Variants in SLC8A3 observed in about 807,000 individuals in gnomAD.
The protein encoded by SLC8A3 is sodium/calcium exchanger 3.
A neutral mutation model predicts 65.4 loss-of-function variants in SLC8A3; 37 were observed. The observed-to-expected ratio is 0.57, with a 90% confidence interval of 0.44 to 0.74. The LOEUF (loss-of-function observed/expected upper bound fraction) is 0.74. SLC8A3 is among the 30% of genes least tolerant of loss of function. The pLI, the probability that SLC8A3 is intolerant of heterozygous loss-of-function variation, is 0.00. For synonymous variants in SLC8A3, 461 were observed against 444.5 expected, an observed-to-expected ratio of 1.04 and a Z score of -0.47; for missense variants, 1,112 against 1,172.1, an observed-to-expected ratio of 0.95 and a Z score of 0.75.
At chr14:70,144,074 G>A (rs1444937168) in intron 2 of SLC8A3, among the ~76,000 whole-genome samples, 1 of 152,072 alleles carries the variant, frequency 6.6e-6, no homozygotes, top group African/African-American at 2.4e-5. Context: ...TGAGCTACGT[G>A]AGGACTGGGG....
At chr14:70,175,726 CT>C (rs35935551) in intron 1 of SLC8A3, among the ~76,000 whole-genome samples, 35,714 of 143,226 alleles carry the variant, frequency 0.25, 4,837 homozygotes, top group East Asian at 0.56. Context: ...TATAGGGAAG[CT>C]TTTTTTTTTC....
intron 2 of SLC8A3, among the ~76,000 whole-genome samples, chr14:70,151,935 T>C (rs759294920): frequency 2.0e-5 from 3 of 152,126 alleles, no homozygotes; most frequent in Admixed American, 1.3e-4. Context: ...AACCTCATCA[T>C]AACTATTAAT....
chr14:70,180,309 G>A (rs1012108610), intron 1 of SLC8A3, among the ~76,000 whole-genome samples: 2 of 152,068 alleles, frequency 1.3e-5, no homozygotes, highest in African/African-American at 4.8e-5. Flanking sequence ...TCATATCATT[G>A]CCTGATTGAA....
chr14:70,110,673 C>CTTTTTTTT (rs71102684), intron 2 of SLC8A3, among the ~76,000 whole-genome samples: 1 of 91,858 alleles, frequency 1.1e-5, no homozygotes, highest in Non-Finnish European at 2.2e-5. Flanking sequence ...ATACCTCTTT[C>CTTTTTTTT]TTTTTTTTTT....
intron 2 of SLC8A3, among the ~76,000 whole-genome samples, chr14:70,134,079 A>C (rs1299436922): frequency 6.6e-6 from 1 of 152,156 alleles, no homozygotes; most frequent in African/African-American, 2.4e-5. Flanking sequence ...ACTGAGATGG[A>C]ATTAAATTGA....
At chr14:70,139,671 A>C (rs898195187) in intron 2 of SLC8A3, among the ~76,000 whole-genome samples, 2 of 152,222 alleles carry the variant, frequency 1.3e-5, no homozygotes, top group Non-Finnish European at 2.9e-5. Context: ...AGCAGATCAT[A>C]AGGGCTAGAG....
chr14:70,069,203 G>A (rs1889767106), intron 2 of SLC8A3, among the ~76,000 whole-genome samples: 2 of 152,230 alleles, frequency 1.3e-5, no homozygotes, highest in South Asian at 4.1e-4. Context: ...TGCAGCCACA[G>A]TGAGGAGGCA....
intron 1 of SLC8A3, among the ~76,000 whole-genome samples, chr14:70,176,051 T>C (rs1897890541): frequency 6.6e-6 from 1 of 152,352 alleles, no homozygotes. Flanking sequence ...GAAACTCTAT[T>C]GATAGGACTA....
At chr14:70,168,693 T>C (rs1385483527) in intron 1 of SLC8A3, among the ~76,000 whole-genome samples, 3 of 152,106 alleles carry the variant, frequency 2.0e-5, no homozygotes, top group Non-Finnish European at 4.4e-5. Flanking sequence ...CGTTGAAAAA[T>C]GGCTTGAAAT....
At chr14:70,051,889 C>T in intron 4 of SLC8A3, 101 bp downstream of exon 4, 1 of 965,864 alleles carries the variant, frequency 1.0e-6, no homozygotes, top group Non-Finnish European at 1.6e-6. Context: ...TCAGTTTCAA[C>T]TTCACATATT....
At chr14:70,087,757 T>A (rs535544944) in intron 2 of SLC8A3, among the ~76,000 whole-genome samples, 4 of 152,300 alleles carry the variant, frequency 2.6e-5, no homozygotes, top group Non-Finnish European at 5.9e-5. Context: ...GAATTTAAGC[T>A]CCATGCACCA....
intron 2 of SLC8A3, among the ~76,000 whole-genome samples, chr14:70,100,326 T>G (rs1892478446): frequency 6.6e-6 from 1 of 152,196 alleles, no homozygotes; most frequent in African/African-American, 2.4e-5. Context: ...TCCACCCTGA[T>G]CACAGAGGAG....
intron 4 of SLC8A3, among the ~76,000 whole-genome samples, chr14:70,051,334 C>A (rs1887486813): frequency 6.6e-6 from 1 of 152,080 alleles, no homozygotes; most frequent in South Asian, 2.1e-4. Flanking sequence ...ACTTTGTCAC[C>A]CAGGCTGGAG....
intron 2 of SLC8A3, among the ~76,000 whole-genome samples, chr14:70,087,998 G>A (rs1367092013): frequency 6.6e-6 from 1 of 152,180 alleles, no homozygotes; most frequent in Non-Finnish European, 1.5e-5. Flanking sequence ...TACAGGAAGT[G>A]TGTAATCAAT....
At chr14:70,146,591 A>G (rs1224159270) in intron 2 of SLC8A3, among the ~76,000 whole-genome samples, 1 of 152,220 alleles carries the variant, frequency 6.6e-6, no homozygotes, top group Middle Eastern at 3.2e-3. Flanking sequence ...TGGTATTTAT[A>G]TATATATTAG....
intron 2 of SLC8A3, among the ~76,000 whole-genome samples, chr14:70,111,081 A>G (rs547065093): frequency 5.0e-4 from 76 of 152,164 alleles, no homozygotes; most frequent in African/African-American, 1.8e-3. Context: ...TTTTTGAGGA[A>G]CCTCCAAACT....
intron 1 of SLC8A3, among the ~76,000 whole-genome samples, chr14:70,187,561 T>C (rs887269696): frequency 6.6e-6 from 1 of 150,624 alleles, no homozygotes; most frequent in African/African-American, 2.5e-5. Flanking sequence ...CCAGGGCCTG[T>C]AGGAGCAGCA....
At chr14:70,065,484 C>T (rs1281727205) in intron 2 of SLC8A3, among the ~76,000 whole-genome samples, 1 of 152,190 alleles carries the variant, frequency 6.6e-6, no homozygotes, top group Non-Finnish European at 1.5e-5. Context: ...CTCTGGCCTT[C>T]CTTCTTCCAG....
chr14:70,127,025 A>G (rs1391015805), intron 2 of SLC8A3, among the ~76,000 whole-genome samples: 4 of 152,134 alleles, frequency 2.6e-5, no homozygotes, highest in African/African-American at 9.7e-5. Flanking sequence ...GGGCTTCTAG[A>G]ATTCCTCCTA....
Sources: gnomAD v4.1 joint callset for allele counts (sites outside exome capture counted in the v4.1 genomes callset) on GRCh38, gnomAD v4.1.1 for gene constraint, MANE v1.5 for transcripts, NCBI Gene and HGNC (gene_info 2026-07-23, HGNC 2026-07-21) for gene names.